GALNT8: variants seen among roughly 807,000 people sequenced by gnomAD.
The protein encoded by GALNT8 is polypeptide N-acetylgalactosaminyltransferase 8.
Under a neutral mutation model 62.7 loss-of-function variants are expected in GALNT8, and 66 were observed. That is an observed-to-expected ratio of 1.05 (90% CI 0.86 to 1.29). The LOEUF is 1.29. GALNT8 is among the 50% of genes most tolerant of loss of function. The probability of loss-of-function intolerance (pLI) is 0.00; values close to 1 mark genes in which losing one functional copy is unlikely to be tolerated. For missense variants in GALNT8, 771 were observed against 791.8 expected (o/e 0.97, Z 0.32); for synonymous variants, 288 against 294.3 (o/e 0.98, Z 0.22).
Position 4,772,702 on chromosome 12 carries a change from G to A in GALNT8, c.*105G>A. ...TCAATGAGAAAGAAAGCATGTGTAT[G>A]TCTGTTTATGGCGACTTCAGGTGGG... On this transcript the variant is annotated 3_prime_UTR_variant, in exon 11 of 11. Transcript: ENST00000252318. The A allele has an allele frequency of 5.5e-6, 5 of 907,420 alleles. No homozygotes were observed. Among genetic ancestry groups the A allele is most frequent in the Non-Finnish European group, 8.5e-6 (5 of 588,570 alleles). 56.2% of individuals were successfully genotyped at this position (907,420 alleles called of 1,614,324 possible).
chr12:4,757,049 T>C (rs931149589), intron 6 of GALNT8, among the ~76,000 whole-genome samples: 1 of 152,196 alleles, frequency 6.6e-6, no homozygotes. Context: ...GTTTGGTAGT[T>C]CCTCCTGCGT....
intron 6 of GALNT8, among the ~76,000 whole-genome samples, chr12:4,753,047 A>G (rs1946329096): frequency 6.6e-6 from 1 of 152,184 alleles, no homozygotes; most frequent in African/African-American, 2.4e-5. Context: ...GCCAGAAAGT[A>G]TGGGAGCTGC....
intron 2 of GALNT8, among the ~76,000 whole-genome samples, chr12:4,733,453 C>T (rs1448584504): frequency 6.6e-6 from 1 of 151,990 alleles, no homozygotes; most frequent in Non-Finnish European, 1.5e-5. Flanking sequence ...TCAAATATAG[C>T]CAAGAATATG....
intron 2 of GALNT8, among the ~76,000 whole-genome samples, chr12:4,727,662 AT>A (rs1359564563): frequency 6.6e-6 from 1 of 152,230 alleles, no homozygotes; most frequent in Admixed American, 6.5e-5. Context: ...GTTTTCAAGT[AT>A]CATTCACATT....
chr12:4,750,792 A>G (rs1049981238), intron 6 of GALNT8, among the ~76,000 whole-genome samples: 1 of 152,268 alleles, frequency 6.6e-6, no homozygotes, highest in Non-Finnish European at 1.5e-5. Flanking sequence ...TCCCATCAAC[A>G]GTGTACAAGC....
At chr12:4,728,510 G>C (rs1946206502) in intron 2 of GALNT8, among the ~76,000 whole-genome samples, 1 of 152,024 alleles carries the variant, frequency 6.6e-6, no homozygotes, top group South Asian at 2.1e-4. Flanking sequence ...TTAAATTTAG[G>C]TGTTTGGTCC....
intron 1 of GALNT8, among the ~76,000 whole-genome samples, chr12:4,724,739 C>T (rs1285345330): frequency 2.6e-5 from 4 of 152,340 alleles, no homozygotes; most frequent in South Asian, 2.1e-4. Flanking sequence ...CGACTATCCT[C>T]TTTTTGTCTT....
intron 3 of GALNT8, among the ~76,000 whole-genome samples, chr12:4,741,840 A>G (rs776871273): frequency 1.8e-4 from 28 of 152,202 alleles, no homozygotes; most frequent in Non-Finnish European, 4.0e-4. Context: ...GGTCACAGAA[A>G]AGGGGACTGT....
chr12:4,722,846 G>C (rs1364890925), intron 1 of GALNT8, among the ~76,000 whole-genome samples: 2 of 152,082 alleles, frequency 1.3e-5, no homozygotes, highest in African/African-American at 2.4e-5. Context: ...AAGGAAGGGA[G>C]AGAAGAAATC....
chr12:4,770,884 G>A (rs1049591567), intron 10 of GALNT8, among the ~76,000 whole-genome samples: 2 of 152,304 alleles, frequency 1.3e-5, no homozygotes, highest in Non-Finnish European at 2.9e-5. Flanking sequence ...ATGTTTAAAG[G>A]CAGTAGAAAA....
intron 2 of GALNT8, among the ~76,000 whole-genome samples, chr12:4,734,952 G>A (rs1385467841): frequency 6.6e-6 from 1 of 152,218 alleles, no homozygotes; most frequent in Non-Finnish European, 1.5e-5. Flanking sequence ...TTTTGGGTGA[G>A]GGCGATGGTG....
At chr12:4,734,451 AT>A (rs2137523551) in intron 2 of GALNT8, among the ~76,000 whole-genome samples, 1 of 152,146 alleles carries the variant, frequency 6.6e-6, no homozygotes, top group African/African-American at 2.4e-5. Context: ...GAATCTGAGA[AT>A]TTTTTTGTGG....
chr12:4,728,267 T>C (rs1273950806), intron 2 of GALNT8, among the ~76,000 whole-genome samples: 1 of 152,056 alleles, frequency 6.6e-6, no homozygotes, highest in Non-Finnish European at 1.5e-5. Context: ...TAGATACAAA[T>C]TCCTATCAGA....
At position 4,765,267 on chromosome 12, in the gene GALNT8, G is replaced by A. The variant is rs71579270; in HGVS notation, c.1594-112G>A. On this transcript the variant is annotated intron_variant, in intron 9 of 10. Coordinates refer to ENST00000252318, the MANE Select transcript of GALNT8 (RefSeq NM_017417.2). ...TTCAGTGCTCTTGGTGTGACTGGGT[G>A]TCTAGGGGCCCCAAGATCATTCTTC... 5,200 of 936,282 alleles carry A rather than the reference G, an allele frequency of 5.6e-3. 21 individuals carry two copies. Among genetic ancestry groups the A allele is most frequent in the Non-Finnish European group, 6.9e-3 (4,464 of 645,368 alleles). 58.0% of individuals were successfully genotyped at this position (936,282 alleles called of 1,614,324 possible).
chr12:4,746,316 T>G lies in GALNT8; in HGVS notation c.1173+58T>G, dbSNP rs184204582. The G allele has an allele frequency of 3.2e-6, 3 of 940,928 alleles. No individual in the cohort carries two copies. The East Asian group carries it at 7.2e-5, about 23-fold the overall frequency. 58.3% of individuals were successfully genotyped at this position (940,928 alleles called of 1,614,324 possible). On this transcript the variant is annotated intron_variant, in intron 6 of 10. Transcript: ENST00000252318. Reference sequence around the variant, plus strand: ...AGCAGAAAGGGGAATAATAGAAAGGTAGTAGGACCCCTGGAATCCTAGAAC... The same window carrying G: ...AGCAGAAAGGGGAATAATAGAAAGGGAGTAGGACCCCTGGAATCCTAGAAC...
Position 4,726,476 on chromosome 12 carries a change from T to C in GALNT8, c.212-56T>C. The C allele has an allele frequency of 8.1e-7, 1 of 1,234,634 alleles. No homozygotes were observed. Among genetic ancestry groups the C allele is most frequent in the Non-Finnish European group, 1.2e-6 (1 of 866,494 alleles). The allele number at this position is 1,234,634 out of a possible 1,614,324, so 76.5% of individuals were successfully genotyped here. On this transcript the variant is annotated intron_variant, in intron 1 of 10. Coordinates refer to ENST00000252318, the MANE Select transcript of GALNT8 (RefSeq NM_017417.2). The surrounding 1 kb of genome is among the most constrained non-coding windows in gnomAD (Gnocchi z 4.1). ...ATTAGGATGGAAAGGAATACCCAGG[T>C]AACTAAGGAGGGGCTGAAATGTTTT...
intron 2 of GALNT8, among the ~76,000 whole-genome samples, chr12:4,737,986 A>C (rs1242290916): frequency 6.6e-6 from 1 of 152,334 alleles, no homozygotes; most frequent in East Asian, 1.9e-4. Flanking sequence ...GCTGCACAAA[A>C]TGGACTGACA....
chr12:4,745,585 A>G lies in GALNT8; in HGVS notation c.1017A>G (p.Pro339=). ...TCTGGTGCCGCTACGATGCACTGCC[A>G]CAAGCCTGGATTGATCTGCATGATG... ...WELWCRYDAL[P]QAWIDLHDVT... is the part of the protein sequence containing the mutation. The change falls in exon 5 of 11, where the codon CCA becomes CCG. Residue 339 remains proline (P), a synonymous_variant. Coordinates refer to ENST00000252318, the MANE Select transcript of GALNT8 (RefSeq NM_017417.2). 1 of 1,614,078 alleles carries G rather than the reference A, an allele frequency of 6.2e-7. No individual in the cohort carries two copies. The highest frequency in any genetic ancestry group is 1.1e-5 in the South Asian group (1 of 91,088).
At chr12:4,723,300 C>A (rs982330085) in intron 1 of GALNT8, among the ~76,000 whole-genome samples, 1 of 152,178 alleles carries the variant, frequency 6.6e-6, no homozygotes, top group African/African-American at 2.4e-5. Context: ...GAGGGAAGAT[C>A]ATCAGCTCCA....
Sources: gnomAD v4.1 joint callset for allele counts (sites outside exome capture counted in the v4.1 genomes callset) on GRCh38, gnomAD v4.1.1 for gene constraint, Gnocchi (gnomAD v3.1) non-coding constraint, MANE v1.5 for transcripts, NCBI Gene and HGNC (gene_info 2026-07-23, HGNC 2026-07-21) for gene names.